Variants in SLCO2A1 observed in about 807,000 individuals in gnomAD.
SLCO2A1 encodes solute carrier organic anion transporter family member 2A1.
In SLCO2A1, 60 loss-of-function variants were observed where a neutral mutation model predicts 71.7. That is an observed-to-expected ratio of 0.84 (90% confidence interval 0.68 to 1.04). The LOEUF is 1.04. Ranked by LOEUF, SLCO2A1 falls within the 50% of genes least tolerant of loss-of-function variation. The pLI is 0.00. For missense variants in SLCO2A1, 745 were observed against 813.4 expected, an observed-to-expected ratio of 0.92 and a Z score of 1.02; for synonymous variants, 308 against 326.7, an observed-to-expected ratio of 0.94 and a Z score of 0.62.
intron 1 of SLCO2A1, among the ~76,000 whole-genome samples, chr3:134,008,525 C>T (rs1262036833): frequency 6.6e-6 from 1 of 152,128 alleles, no homozygotes; most frequent in African/African-American, 2.4e-5. Context: ...GAAAACCCAC[C>T]CAAGAATGTT....
At chr3:134,011,692 T>C (rs1408869561) in intron 1 of SLCO2A1, among the ~76,000 whole-genome samples, 2 of 152,172 alleles carry the variant, frequency 1.3e-5, no homozygotes, top group African/African-American at 4.8e-5. Context: ...TGAGATGCCC[T>C]GTGTGAGGGG....
At chr3:133,969,995 C>T (rs1934287260) in intron 3 of SLCO2A1, among the ~76,000 whole-genome samples, 1 of 152,120 alleles carries the variant, frequency 6.6e-6, no homozygotes, top group Non-Finnish European at 1.5e-5. Flanking sequence ...GCGCCCTGCT[C>T]CAGAACAGAG....
intron 1 of SLCO2A1, among the ~76,000 whole-genome samples, chr3:133,999,506 C>A (rs975819374): frequency 6.6e-6 from 1 of 152,234 alleles, no homozygotes; most frequent in Non-Finnish European, 1.5e-5. Flanking sequence ...CCCAGCCCCC[C>A]AGGGGCATAC....
intron 3 of SLCO2A1, 120 bp downstream of exon 3, chr3:133,973,543 T>G: frequency 9.3e-7 from 1 of 1,075,030 alleles, no homozygotes; most frequent in Non-Finnish European, 1.3e-6. Flanking sequence ...TTCAGTATAG[T>G]CTGAGCTTCA....
chr3:134,024,398 C>G (rs6794544), intron 1 of SLCO2A1, among the ~76,000 whole-genome samples: 5,984 of 152,274 alleles, frequency 0.039, 285 homozygotes, highest in African/African-American at 0.098. Context: ...TGACAGTTAA[C>G]AAAAATGTAG....
rs986294130 is a variant in SLCO2A1, at chr3:134,022,008, A to AG, written c.96+7698_96+7699insC. On this transcript the variant is annotated intron_variant, in intron 1 of 13. Transcript: ENST00000310926. ...ACAAAAAAAAAAAAGTAAAAAAAAA[A>AG]CTTTTAGAGGAAACCTCATTGTGAG... Among the ~76,000 whole-genome samples, 18 of 151,648 alleles carry AG rather than the reference A, an allele frequency of 1.2e-4. 1 individual carries two copies. The highest frequency in any genetic ancestry group is 9.8e-4 in the Admixed American group (15 of 15,236).
chr3:133,937,893 G>T (rs999281169), intron 12 of SLCO2A1, among the ~76,000 whole-genome samples: 2 of 152,224 alleles, frequency 1.3e-5, no homozygotes, highest in African/African-American at 4.8e-5. Context: ...GCCTCAAGCA[G>T]CTCGCTCTCC....
At chr3:133,959,993 A>G (rs554482526) in intron 3 of SLCO2A1, among the ~76,000 whole-genome samples, 391 of 151,466 alleles carry the variant, frequency 2.6e-3, no homozygotes, top group African/African-American at 9.1e-3. Context: ...GGTGGCTCGC[A>G]CTTGTAGTCC....
chr3:133,980,647 T>G (rs1267355286), intron 1 of SLCO2A1, among the ~76,000 whole-genome samples: 1 of 152,234 alleles, frequency 6.6e-6, no homozygotes, highest in African/African-American at 2.4e-5. Flanking sequence ...ACAGCTGCCA[T>G]CACAGGAGAG....
intron 1 of SLCO2A1, among the ~76,000 whole-genome samples, chr3:133,987,758 T>C (rs1010189939): frequency 2.6e-5 from 4 of 152,180 alleles, no homozygotes; most frequent in Non-Finnish European, 5.9e-5. Context: ...TTCTCTGAGG[T>C]GATTCAATGT....
At chr3:134,027,632 C>CGTCCT (rs1312169099) in intron 1 of SLCO2A1, among the ~76,000 whole-genome samples, 1 of 152,082 alleles carries the variant, frequency 6.6e-6, no homozygotes, top group Admixed American at 6.5e-5. Context: ...GTCTGTGGCT[C>CGTCCT]GTCCTGCTAC....
At chr3:133,942,576 C>A in intron 11 of SLCO2A1, 29 bp downstream of exon 11, 2 of 1,582,628 alleles carry the variant, frequency 1.3e-6, no homozygotes, top group Non-Finnish European at 1.7e-6. Context: ...AGAAGCCACG[C>A]CCCAGACTCA....
At position 134,029,891 on chromosome 3, in the gene SLCO2A1, G is replaced by C; in HGVS notation, c.-89C>G. On this transcript the variant is annotated 5_prime_UTR_variant, in exon 1 of 14. Coordinates refer to ENST00000310926, the MANE Select transcript of SLCO2A1 (RefSeq NM_005630.3). ...CGGGCGGGTGAGAGGCGACCGCGGC[G>C]GCAGTGGCCGGAGGAGATTCGCGGA... 1 of 639,604 alleles carries C rather than the reference G, an allele frequency of 1.6e-6. No individual in the cohort carries two copies. The highest frequency in any genetic ancestry group is 2.2e-6 in the Non-Finnish European group (1 of 446,776). 39.6% of individuals were successfully genotyped at this position (639,604 alleles called of 1,614,324 possible).
At chr3:133,999,859 G>T (rs1441597186) in intron 1 of SLCO2A1, among the ~76,000 whole-genome samples, 1 of 152,232 alleles carries the variant, frequency 6.6e-6, no homozygotes, top group Non-Finnish European at 1.5e-5. Context: ...GTACCTGAGA[G>T]AAGCTACGGA....
At chr3:134,011,691 C>T (rs1464513787) in intron 1 of SLCO2A1, among the ~76,000 whole-genome samples, 1 of 152,208 alleles carries the variant, frequency 6.6e-6, no homozygotes, top group Non-Finnish European at 1.5e-5. Context: ...GTGAGATGCC[C>T]TGTGTGAGGG....
Position 133,968,887 on chromosome 3 carries a change from A to G in SLCO2A1, c.397+4776T>C, listed in dbSNP as rs570527180. Among the ~76,000 whole-genome samples, 99 of 152,396 alleles carry G rather than the reference A, an allele frequency of 6.5e-4. 1 individual carries two copies. Among genetic ancestry groups the G allele is most frequent in the Non-Finnish European group, 1.2e-3 (83 of 68,044 alleles). The stretch of plus-strand genomic sequence containing the variant: ...ACATTTCCGGACCCCACTGACATTT[A>G]GAAAATCTAAATATCCATAAATGTC... On this transcript the variant is annotated intron_variant, in intron 3 of 13. Coordinates refer to ENST00000310926, the MANE Select transcript of SLCO2A1 (RefSeq NM_005630.3).
At chr3:133,948,016 T>A (rs1329678322) in intron 8 of SLCO2A1, among the ~76,000 whole-genome samples, 1 of 152,188 alleles carries the variant, frequency 6.6e-6, no homozygotes, top group African/African-American at 2.4e-5. Flanking sequence ...TACTGCTGGG[T>A]GCCACCTCCA....
At chr3:133,975,169 T>G (rs1479867190) in intron 2 of SLCO2A1, among the ~76,000 whole-genome samples, 1 of 152,186 alleles carries the variant, frequency 6.6e-6, no homozygotes, top group African/African-American at 2.4e-5. Context: ...TGGCTATTTA[T>G]GCTCTGCGTG....
At chr3:133,993,371 G>T (rs1247040957) in intron 1 of SLCO2A1, among the ~76,000 whole-genome samples, 1 of 152,220 alleles carries the variant, frequency 6.6e-6, no homozygotes, top group Admixed American at 6.5e-5. Flanking sequence ...TGGAGCATGT[G>T]GATAGCTGGA....
Sources: gnomAD v4.1 joint callset for allele counts (sites outside exome capture counted in the v4.1 genomes callset) on GRCh38, gnomAD v4.1.1 for gene constraint, MANE v1.5 for transcripts, NCBI Gene and HGNC (gene_info 2026-07-23, HGNC 2026-07-21) for gene names.